The following INTS7 variants were observed in gnomAD, a reference collection of about 807,000 sequenced individuals.
INTS7 encodes the protein integrator complex subunit 7.
Under a neutral mutation model 109.2 loss-of-function variants are expected in INTS7, and 46 were observed. The ratio of observed to expected loss-of-function variants is 0.42; its 90% CI spans 0.33 to 0.54. The LOEUF (loss-of-function observed/expected upper bound fraction) is 0.54, where lower values mean the gene tolerates loss of function less well. Ranked by LOEUF, INTS7 falls within the 20% of genes least tolerant of loss-of-function variation. INTS7 has a pLI of 0.07. For missense variants in INTS7, 929 were observed against 1,132.4 expected, an observed-to-expected ratio of 0.82 and a Z score of 2.58; for synonymous variants, 412 against 402.9, an observed-to-expected ratio of 1.02 and a Z score of -0.27.
At chr1:212,015,934 TA>T (rs1229699549) in intron 4 of INTS7, among the ~76,000 whole-genome samples, 2 of 152,004 alleles carry the variant, frequency 1.3e-5, no homozygotes, top group African/African-American at 4.8e-5. Flanking sequence ...TTACGGCTTT[TA>T]TTTTTTTTAA....
chr1:211,995,153 A>C (rs1665325699), intron 7 of INTS7, among the ~76,000 whole-genome samples: 1 of 152,162 alleles, frequency 6.6e-6, no homozygotes, highest in African/African-American at 2.4e-5. Flanking sequence ...CCTAATTAGC[A>C]CATTAAAATC....
rs766720198 is a variant in INTS7, at chr1:211,942,111, T to G, written c.2602A>C (p.Ile868Leu). The G allele has an allele frequency of 6.2e-6, 10 of 1,612,520 alleles. No homozygotes were observed. The highest frequency in any genetic ancestry group is 7.6e-6 in the Non-Finnish European group (9 of 1,178,800). Residue 868 changes from isoleucine (I) to leucine (L), a missense_variant and splice_region_variant, in exon 20 of 20, where the codon ATA becomes CTA. Ile to Leu is a conservative substitution (Grantham distance 5, BLOSUM62 2). Around this residue, in one of 2 missense-constraint regions of INTS7, gnomAD observed 787 missense variants for 901.1 expected, o/e 0.87. Transcript: ENST00000366994. The surrounding 1 kb of genome is among the most constrained non-coding windows in gnomAD (Gnocchi z 4.2). Reference sequence around the variant, plus strand: ...TCATTGGTCATGTTGTCAATGGGTATCTGCAATGAAACAATTGTTAACTAA... The same window carrying G: ...TCATTGGTCATGTTGTCAATGGGTAGCTGCAATGAAACAATTGTTAACTAA... ...LQSKSGQDYK[I>L]PIDNMTNEME...
chr1:211,952,804 T>A, intron 16 of INTS7, 103 bp from the exon 17 acceptor site: 1 of 1,101,796 alleles, frequency 9.1e-7, no homozygotes, highest in Non-Finnish European at 1.3e-6. Flanking sequence ...ATTTTTAAAA[T>A]AATGAAGTTA....
At chr1:211,956,834 G>A (rs1182873114) in intron 16 of INTS7, among the ~76,000 whole-genome samples, 1 of 152,138 alleles carries the variant, frequency 6.6e-6, no homozygotes, top group Non-Finnish European at 1.5e-5. Flanking sequence ...TTAGCCTACT[G>A]AGAGACACTT....
intron 16 of INTS7, among the ~76,000 whole-genome samples, chr1:211,965,802 G>A (rs1333841403): frequency 2.0e-5 from 3 of 152,142 alleles, no homozygotes; most frequent in African/African-American, 4.8e-5. Flanking sequence ...AGGGTGGAAG[G>A]TGGGAGGAAA....
chr1:212,023,927 A>G lies in INTS7; in HGVS notation c.95-2715T>C, dbSNP rs138727384. The stretch of plus-strand genomic sequence containing the variant: ...TAGGGGTCCAGTTTCATTCTTCTGC[A>G]TAGGGCTAGCCAGCTATCCCTGTAC... On this transcript the variant is annotated intron_variant, in intron 1 of 19. Coordinates refer to ENST00000366994, the MANE Select transcript of INTS7 (RefSeq NM_015434.4). Among the ~76,000 whole-genome samples the G allele has an allele frequency of 3.3e-5, 5 of 152,320 alleles. No individual in the cohort carries two copies. In the East Asian group the frequency reaches 7.7e-4, roughly 24 times the overall value.
intron 10 of INTS7, among the ~76,000 whole-genome samples, chr1:211,980,206 C>CT (rs1464081069): frequency 1.3e-5 from 2 of 152,180 alleles, no homozygotes; most frequent in African/African-American, 4.8e-5. Context: ...TTAGCTGTCA[C>CT]TTAATGATGT....
At chr1:212,023,042 T>C (rs1478257183) in intron 1 of INTS7, among the ~76,000 whole-genome samples, 1 of 152,244 alleles carries the variant, frequency 6.6e-6, no homozygotes, top group Admixed American at 6.5e-5. Flanking sequence ...CTTAGGGTAA[T>C]GGCCTCCAGC....
In INTS7 at chr1:211,980,046, C is replaced by T. The variant is rs74455013; in HGVS notation, c.1230+1047G>A. Among the ~76,000 whole-genome samples, 428 of 152,212 alleles carry T rather than the reference C, an allele frequency of 2.8e-3. 1 individual carries two copies. The highest frequency in any genetic ancestry group is 4.8e-3 in the Non-Finnish European group (327 of 68,034). On this transcript the variant is annotated intron_variant, in intron 10 of 19. Transcript: ENST00000366994. ...CTATGTATGTCCCACTGTGCTGAAT[C>T]CAGCATTTTACTGACACCCACAATT...
chr1:211,961,724 C>T (rs988168795), intron 16 of INTS7, among the ~76,000 whole-genome samples: 7 of 152,054 alleles, frequency 4.6e-5, no homozygotes, highest in East Asian at 1.9e-4. Context: ...CCACCTTGCC[C>T]GGCCTCAACA....
At chr1:211,961,987 A>G (rs953758613) in intron 16 of INTS7, among the ~76,000 whole-genome samples, 1 of 152,172 alleles carries the variant, frequency 6.6e-6, no homozygotes, top group Non-Finnish European at 1.5e-5. Context: ...CTGCATGATA[A>G]CCAGCTGCTA....
At chr1:211,987,426 G>A (rs1409509161) in intron 8 of INTS7, among the ~76,000 whole-genome samples, 3 of 152,122 alleles carry the variant, frequency 2.0e-5, no homozygotes, top group Admixed American at 2.0e-4. Context: ...TCTTGAATAG[G>A]TAACTAGGAA....
In INTS7 at chr1:211,975,206, T is replaced by A. The variant is rs753029803; in HGVS notation, c.1775A>T (p.Glu592Val). Residue 592 changes from glutamate (E) to valine (V), a missense_variant, in exon 13 of 20, where the codon GAA (glutamate) becomes GTA (valine). By Grantham distance (121) the Glu-to-Val change is moderately radical (BLOSUM62 -2). Transcript: ENST00000366994. Reference protein sequence around the residue: ...NYSSALSCIAESLKFYHKGIA... With the variant: ...NYSSALSCIAVSLKFYHKGIA... ...CCCTTTGTGATAGAATTTTAAAGATTCAGCAATGCAAGAAAGTGCTGAACT... is the reference window on the plus strand; with the variant it reads ...CCCTTTGTGATAGAATTTTAAAGATACAGCAATGCAAGAAAGTGCTGAACT... 6.2e-7 allele frequency: 1 copy of A among 1,613,848 alleles called. No homozygotes were observed. The highest frequency in any genetic ancestry group is 1.1e-5 in the South Asian group (1 of 91,072).
rs746274416 is a variant in INTS7 at position 211,968,723 on chromosome 1, A to G, written c.1816-16T>C. The G allele has an allele frequency of 2.1e-5, 33 of 1,592,764 alleles. 2 individuals are homozygous for G. In the South Asian group the frequency reaches 3.6e-4, roughly 17 times the overall value. Reference sequence around the variant, plus strand: ...TACTAGCTGCCTGGGAAAAAAAAAAAAAAGAGATATTTAAGACAAAGTAAA... The same window carrying G: ...TACTAGCTGCCTGGGAAAAAAAAAAGAAAGAGATATTTAAGACAAAGTAAA... On this transcript the variant is annotated splice_polypyrimidine_tract_variant and intron_variant, in intron 13 of 19. Coordinates refer to ENST00000366994, the MANE Select transcript of INTS7 (RefSeq NM_015434.4).
intron 7 of INTS7, among the ~76,000 whole-genome samples, chr1:211,996,849 A>T (rs568265839): frequency 6.6e-6 from 1 of 151,844 alleles, no homozygotes; most frequent in East Asian, 1.9e-4. Flanking sequence ...AAATAGCGAG[A>T]TCTCACCTCT....
At chr1:212,010,916 A>C (rs942045214) in intron 5 of INTS7, among the ~76,000 whole-genome samples, 1 of 152,148 alleles carries the variant, frequency 6.6e-6, no homozygotes, top group African/African-American at 2.4e-5. Context: ...GCAATGCAAG[A>C]CTATATCTGC....
At chr1:211,976,332 G>A (rs1664417805) in intron 12 of INTS7, among the ~76,000 whole-genome samples, 1 of 152,114 alleles carries the variant, frequency 6.6e-6, no homozygotes. Context: ...AATGAAAGTG[G>A]CACTAACAAC....
Position 211,946,487 on chromosome 1 carries a change from C to CAA in INTS7, c.2415+118_2415+119dup. On this transcript the variant is annotated intron_variant, in intron 18 of 19. Transcript: ENST00000366994. The surrounding 1 kb of genome is among the most constrained non-coding windows in gnomAD (Gnocchi z 4.3). ...CGAGACTCTGTCTCAAAAAACAAAACAAAACAAAAAAACCAATAAACCAAA... is the reference window on the plus strand; with the variant it reads ...CGAGACTCTGTCTCAAAAAACAAAACAAAAAACAAAAAAACCAATAAACCAAA... The CAA allele has an allele frequency of 1.6e-6, 1 of 621,872 alleles. No homozygotes were observed. Among genetic ancestry groups the CAA allele is most frequent in the Non-Finnish European group, 2.8e-6 (1 of 361,986 alleles). The allele number at this position is 621,872 out of a possible 1,614,324, so 38.5% of individuals were successfully genotyped here.
chr1:212,018,445 A>G (rs1176551996), intron 3 of INTS7, among the ~76,000 whole-genome samples: 1 of 151,986 alleles, frequency 6.6e-6, no homozygotes, highest in African/African-American at 2.4e-5. Context: ...CTAGCTCTAA[A>G]TTATTTATGA....
Sources: allele counts gnomAD v4.1 joint callset (sites outside exome capture counted in the v4.1 genomes callset), GRCh38; gene constraint gnomAD v4.1.1; regional missense constraint gnomAD v4.1.1; non-coding constraint Gnocchi (gnomAD v3.1); transcripts MANE v1.5; gene names NCBI Gene and HGNC (gene_info 2026-07-23, HGNC 2026-07-21).